Variants in CLVS2 observed in about 807,000 individuals in gnomAD.
CLVS2 encodes the protein clavesin 2.
CLVS2 carries 19 observed loss-of-function variants against 29.0 expected under a neutral mutation model. That is an observed-to-expected ratio of 0.66 (90% CI 0.46 to 0.96). The LOEUF (loss-of-function observed/expected upper bound fraction) is 0.96, where lower values mean the gene tolerates loss of function less well. Among genes scored for constraint, CLVS2 ranks in the 40% least tolerant of loss-of-function variants. The pLI is 0.00. For missense variants in CLVS2, 294 were observed against 404.1 expected, an observed-to-expected ratio of 0.73 and a Z score of 2.34; for synonymous variants, 161 against 151.3, an observed-to-expected ratio of 1.06 and a Z score of -0.47.
intron 3 of CLVS2, among the ~76,000 whole-genome samples, chr6:123,039,188 T>G (rs1775195494): frequency 6.6e-6 from 1 of 152,312 alleles, no homozygotes; most frequent in African/African-American, 2.4e-5. Flanking sequence ...ACCTCCCTTT[T>G]GGCAATTTTA....
chr6:123,055,856 T>G lies in CLVS2; in HGVS notation c.726T>G (p.Pro242=). ...ACAGTCTACACCAACTAATTCATCC[T>G]GAGATCCTGCCCTCTGAGTTTGGAG... The part of the protein sequence containing the change: ...NLNSLHQLIH[P]EILPSEFGGM... The change falls in exon 5 of 6, where the codon CCT becomes CCG. Residue 242 remains proline (P), a synonymous_variant. Transcript: ENST00000275162. 2 of 1,613,892 alleles carry G rather than the reference T, an allele frequency of 1.2e-6. No individual in the cohort carries two copies. Among genetic ancestry groups the G allele is most frequent in the Non-Finnish European group, 1.7e-6 (2 of 1,179,786 alleles).
intron 3 of CLVS2, among the ~76,000 whole-genome samples, chr6:123,024,703 T>C (rs1465525581): frequency 6.6e-6 from 1 of 152,134 alleles, no homozygotes; most frequent in East Asian, 1.9e-4. Context: ...AGAGAAATAC[T>C]TTCTTGAAAA....
chr6:122,997,622 C>A lies in CLVS2; in HGVS notation c.-156C>A. ...CTGGGGGAAAGCAGGAGCAACAGGG[C>A]ACTTGATTGGACACCAAGATTATTA... On this transcript the variant is annotated 5_prime_UTR_variant, in exon 2 of 6. Transcript: ENST00000275162. 4.2e-6 allele frequency: 3 copies of A among 712,792 alleles called. No homozygotes were observed. The highest frequency in any genetic ancestry group is 1.8e-5 in the African/African-American group (1 of 56,044). The allele number at this position is 712,792 out of a possible 1,614,324, so 44.2% of individuals were successfully genotyped here.
Position 122,997,687 on chromosome 6 carries a change from G to C in CLVS2, c.-91G>C. The C allele has an allele frequency of 7.7e-7, 1 of 1,300,732 alleles. No individual in the cohort carries two copies. The allele number at this position is 1,300,732 out of a possible 1,614,324, so 80.6% of individuals were successfully genotyped here. On this transcript the variant is annotated 5_prime_UTR_variant, in exon 2 of 6. Transcript: ENST00000275162. ...AGAGGAAGCAGGCAGCAGGAGGTCT[G>C]GGGGCTGGAGTCTGGTGGTGGCAAG...
chr6:122,999,006 C>A (rs779212177), intron 2 of CLVS2, among the ~76,000 whole-genome samples: 1 of 152,184 alleles, frequency 6.6e-6, no homozygotes, highest in Non-Finnish European at 1.5e-5. Context: ...TGTCCTCCTT[C>A]AGAACTGTTT....
At chr6:122,999,867 T>A (rs950759408) in intron 2 of CLVS2, among the ~76,000 whole-genome samples, 2 of 152,158 alleles carry the variant, frequency 1.3e-5, no homozygotes, top group Non-Finnish European at 2.9e-5. Context: ...ATAAGTGAAC[T>A]AATATTCATA....
chr6:123,041,943 AT>A (rs1260375325), intron 3 of CLVS2, among the ~76,000 whole-genome samples: 2 of 152,212 alleles, frequency 1.3e-5, no homozygotes, highest in Admixed American at 6.5e-5. Flanking sequence ...TTCAAAATAT[AT>A]TCGTATTTCA....
intron 3 of CLVS2, among the ~76,000 whole-genome samples, chr6:123,045,821 A>T (rs1772493573): frequency 6.6e-6 from 1 of 152,172 alleles, no homozygotes; most frequent in Non-Finnish European, 1.5e-5. Context: ...TTTGCTAGTG[A>T]TGGCAGAGAG....
At chr6:123,012,811 T>C (rs1173388615) in intron 3 of CLVS2, among the ~76,000 whole-genome samples, 1 of 151,976 alleles carries the variant, frequency 6.6e-6, no homozygotes, top group African/African-American at 2.4e-5. Flanking sequence ...TCTCAGCCCC[T>C]TTCTCCTTTT....
intron 3 of CLVS2, among the ~76,000 whole-genome samples, chr6:123,040,981 A>G (rs1184841085): frequency 6.6e-6 from 1 of 152,168 alleles, no homozygotes; most frequent in Non-Finnish European, 1.5e-5. Flanking sequence ...ATTTTTCCAT[A>G]GGCAGGTGAC....
At chr6:123,061,596 A>G in intron 5 of CLVS2, among the ~76,000 whole-genome samples, 1 of 152,248 alleles carries the variant, frequency 6.6e-6, no homozygotes. Context: ...AACAATCCTC[A>G]TATCTGTAGT....
intron 2 of CLVS2, among the ~76,000 whole-genome samples, chr6:122,998,553 T>C (rs1026677831): frequency 2.0e-5 from 3 of 152,216 alleles, no homozygotes; most frequent in African/African-American, 7.2e-5. Context: ...AAAAAAATTC[T>C]TAAACTAGAC....
At chr6:123,027,451 A>T (rs1775019789) in intron 3 of CLVS2, among the ~76,000 whole-genome samples, 1 of 152,168 alleles carries the variant, frequency 6.6e-6, no homozygotes, top group Non-Finnish European at 1.5e-5. Context: ...AGTTTTGTCT[A>T]CGTCCTCTCC....
At chr6:123,020,054 A>G (rs1582649345) in intron 3 of CLVS2, among the ~76,000 whole-genome samples, 1 of 152,076 alleles carries the variant, frequency 6.6e-6, no homozygotes, top group East Asian at 1.9e-4. Context: ...CAGTCTATCC[A>G]TTCAAATGTT....
chr6:123,019,120 A>G (rs957458839), intron 3 of CLVS2, among the ~76,000 whole-genome samples: 1 of 152,014 alleles, frequency 6.6e-6, no homozygotes, highest in Admixed American at 6.6e-5. Flanking sequence ...ATAGATTCCT[A>G]TGGGTCAGAT....
At chr6:123,040,975 T>C (rs1562171412) in intron 3 of CLVS2, among the ~76,000 whole-genome samples, 1 of 152,144 alleles carries the variant, frequency 6.6e-6, no homozygotes, top group African/African-American at 2.4e-5. Flanking sequence ...ACTCTCATTT[T>C]TCCATAGGCA....
chr6:123,015,173 T>C (rs1207223788), intron 3 of CLVS2, among the ~76,000 whole-genome samples: 1 of 151,850 alleles, frequency 6.6e-6, no homozygotes, highest in Non-Finnish European at 1.5e-5. Flanking sequence ...GGGAAATGAA[T>C]TGAGGAAAAT....
chr6:123,048,568 C>T (rs1179877830), intron 3 of CLVS2, 54 bp from the exon 4 acceptor site: 4 of 1,190,136 alleles, frequency 3.4e-6, no homozygotes, highest in African/African-American at 1.5e-5. Flanking sequence ...TTTCCTAAAC[C>T]TTCTCAGTCT....
rs2114383466 is a variant in CLVS2 at position 123,072,901 on chromosome 6, T to A, written c.*9140T>A. 1 of 152,240 alleles carries A rather than the reference T, an allele frequency of 6.6e-6. No homozygotes were observed. Among genetic ancestry groups the A allele is most frequent in the South Asian group, 2.1e-4 (1 of 4,824 alleles). The allele number at this position is 152,240 out of a possible 1,614,324, so 9.4% of individuals were successfully genotyped here. ...TGAGGATGAATGAAGTACTGTTAAA[T>A]AAAATGTCACTAAATGAAACTTCAG... On this transcript the variant is annotated 3_prime_UTR_variant, in exon 6 of 6. Transcript: ENST00000275162.
Sources: gnomAD v4.1 joint callset for allele counts (sites outside exome capture counted in the v4.1 genomes callset) on GRCh38, gnomAD v4.1.1 for gene constraint, MANE v1.5 for transcripts, NCBI Gene and HGNC (gene_info 2026-07-23, HGNC 2026-07-21) for gene names.